The following WDPCP variants were observed in gnomAD, a reference collection of about 807,000 sequenced individuals.
WDPCP encodes WD repeat-containing and planar cell polarity effector protein fritz homolog.
WDPCP carries 71 observed loss-of-function variants against 93.1 expected under a neutral mutation model. That is an observed-to-expected ratio of 0.76 (90% confidence interval 0.63 to 0.93). The LOEUF (loss-of-function observed/expected upper bound fraction) is 0.93. WDPCP is among the 40% of genes least tolerant of loss of function. WDPCP has a pLI of 0.00. For missense variants in WDPCP, 844 were observed against 887.4 expected (o/e 0.95, Z 0.62); for synonymous variants, 315 against 315.0 (o/e 1.00, Z 0.00).
In WDPCP at chr2:63,219,507, C is replaced by T. The variant is rs1574908060; in HGVS notation, c.1915+39800G>A. The stretch of plus-strand genomic sequence containing the variant: ...AAGTCCTCAAGCAGATACTTTTCTT[C>T]CATTTAAAAGAGTAGTCTTGTATTT... On this transcript the variant is annotated intron_variant, in intron 14 of 17. Transcript: ENST00000272321. Among the ~76,000 whole-genome samples the T allele has an allele frequency of 2.0e-5, 3 of 152,212 alleles. No homozygotes were observed. The South Asian group carries it at 6.2e-4, about 32-fold the overall frequency.
chr2:63,649,206 G>A (rs1191069819), intron 3 of WDPCP, among the ~76,000 whole-genome samples: 1 of 152,094 alleles, frequency 6.6e-6, no homozygotes, highest in East Asian at 1.9e-4. Flanking sequence ...ATCCCTTGGT[G>A]GATGGGGAAA....
Position 63,565,056 on chromosome 2 carries a change from G to A in WDPCP, c.75+23141C>T, listed in dbSNP as rs1575659673. Among the ~76,000 whole-genome samples the A allele has an allele frequency of 2.6e-5, 4 of 152,158 alleles. No homozygotes were observed. In the South Asian group the frequency reaches 6.2e-4, roughly 24 times the overall value. On this transcript the variant is annotated intron_variant, in intron 1 of 17. Transcript: ENST00000272321. ...CTCCAAAGGTGCTGGGATTACAGGC[G>A]TGAGTCATGGCACCTGGCCAAAACT...
At chr2:63,753,737 C>T (rs1669915995) in intron 2 of WDPCP, among the ~76,000 whole-genome samples, 2 of 152,152 alleles carry the variant, frequency 1.3e-5, no homozygotes, top group Admixed American at 6.5e-5. Context: ...CTCCATGATC[C>T]AATCACCTCC....
intron 15 of WDPCP, among the ~76,000 whole-genome samples, chr2:63,170,921 T>C (rs1407850061): frequency 6.6e-6 from 1 of 152,108 alleles, no homozygotes; most frequent in Non-Finnish European, 1.5e-5. Context: ...TTAACACCTA[T>C]AGTCAGTTGA....
chr2:63,296,023 A>G (rs1338260245), intron 13 of WDPCP, among the ~76,000 whole-genome samples: 1 of 152,110 alleles, frequency 6.6e-6, no homozygotes, highest in Non-Finnish European at 1.5e-5. Flanking sequence ...CCTAATAAAT[A>G]CAGATGTAAA....
At chr2:63,819,636 T>G (rs1220340187) in intron 1 of WDPCP, among the ~76,000 whole-genome samples, 3 of 152,142 alleles carry the variant, frequency 2.0e-5, no homozygotes. Flanking sequence ...TCTAGTAAGT[T>G]CCCGGGTGAT....
chr2:63,454,893 A>G (rs192992653), intron 6 of WDPCP, among the ~76,000 whole-genome samples: 9 of 152,332 alleles, frequency 5.9e-5, no homozygotes, highest in Admixed American at 5.2e-4. Flanking sequence ...CCAGGAGAGA[A>G]TGAAAAAATA....
chr2:63,475,318 T>G (rs565260137), intron 6 of WDPCP, among the ~76,000 whole-genome samples: 2 of 152,036 alleles, frequency 1.3e-5, no homozygotes, highest in African/African-American at 4.8e-5. Context: ...CCTTTCTCTT[T>G]CTGCTTGCCT....
chr2:63,298,431 C>T (rs1685044364), intron 13 of WDPCP, among the ~76,000 whole-genome samples: 1 of 151,764 alleles, frequency 6.6e-6, no homozygotes, highest in Admixed American at 6.6e-5. Context: ...CAGGAAGACC[C>T]ACCCACAATG....
chr2:63,780,956 A>C (rs1259501789), intron 2 of WDPCP, among the ~76,000 whole-genome samples: 1 of 152,216 alleles, frequency 6.6e-6, no homozygotes, highest in Non-Finnish European at 1.5e-5. Context: ...GTCATTTTGC[A>C]TTCCTCCCTC....
chr2:63,565,528 T>C (rs1215933876), intron 1 of WDPCP, among the ~76,000 whole-genome samples: 1 of 152,220 alleles, frequency 6.6e-6, no homozygotes, highest in Non-Finnish European at 1.5e-5. Flanking sequence ...TGTCAGTGGT[T>C]GAGCATTGTG....
intron 15 of WDPCP, among the ~76,000 whole-genome samples, chr2:63,167,568 T>C (rs1273330823): frequency 1.3e-5 from 2 of 152,208 alleles, no homozygotes; most frequent in Admixed American, 6.5e-5. Flanking sequence ...AGAAAGGGCA[T>C]GTTGGTTCTT....
At chr2:63,364,051 T>A (rs1436166922) in intron 12 of WDPCP, among the ~76,000 whole-genome samples, 1 of 151,092 alleles carries the variant, frequency 6.6e-6, no homozygotes, top group Non-Finnish European at 1.5e-5. Context: ...TCCCTGTCTT[T>A]AAAAAAAAAT....
chr2:63,592,804 G>C (rs1709225182), upstream of WDPCP, among the ~76,000 whole-genome samples: 1 of 152,094 alleles, frequency 6.6e-6, no homozygotes, highest in Non-Finnish European at 1.5e-5. Context: ...TACAGGACAG[G>C]TGTTGTTCTA....
chr2:63,260,651 G>A (rs529546746), intron 13 of WDPCP, among the ~76,000 whole-genome samples: 3 of 152,328 alleles, frequency 2.0e-5, no homozygotes, highest in African/African-American at 7.2e-5. Context: ...TTCAGTTCAA[G>A]TGATTCTCTT....
chr2:63,626,195 G>T (rs867743741), intron 3 of WDPCP, among the ~76,000 whole-genome samples: 1 of 152,012 alleles, frequency 6.6e-6, no homozygotes, highest in Non-Finnish European at 1.5e-5. Flanking sequence ...ACTCAAGATG[G>T]ATTAAAGACT....
intron 1 of WDPCP, among the ~76,000 whole-genome samples, chr2:63,584,522 A>G (rs1308914613): frequency 1.3e-5 from 2 of 151,868 alleles, no homozygotes; most frequent in Non-Finnish European, 2.9e-5. Context: ...AATCAATCCA[A>G]TGGATTTCAA....
At chr2:63,288,952 T>C (rs1273611861) in intron 13 of WDPCP, among the ~76,000 whole-genome samples, 1 of 152,104 alleles carries the variant, frequency 6.6e-6, no homozygotes, top group Non-Finnish European at 1.5e-5. Context: ...CATTTTTTTT[T>C]CAAGAATACC....
At chr2:63,672,813 G>C (rs570949215) in intron 2 of WDPCP, among the ~76,000 whole-genome samples, 1 of 150,722 alleles carries the variant, frequency 6.6e-6, no homozygotes, top group African/African-American at 2.4e-5. Flanking sequence ...GCAGTAGCAT[G>C]ATCCTGGCTC....
Sources: gnomAD v4.1 joint callset for allele counts (sites outside exome capture counted in the v4.1 genomes callset) on GRCh38, gnomAD v4.1.1 for gene constraint, MANE v1.5 for transcripts, NCBI Gene and HGNC (gene_info 2026-07-23, HGNC 2026-07-21) for gene names.